SDK1: variants seen among roughly 807,000 people sequenced by gnomAD.
SDK1 encodes the protein protein sidekick-1.
SDK1 carries 157 observed loss-of-function variants against 245.5 expected under a neutral mutation model. The ratio of observed to expected loss-of-function variants is 0.64; its 90% CI spans 0.56 to 0.73. The LOEUF (loss-of-function observed/expected upper bound fraction) is 0.73, where lower values mean the gene tolerates loss of function less well. Among genes scored for constraint, SDK1 ranks in the 30% least tolerant of loss-of-function variants. The probability of loss-of-function intolerance (pLI) is 0.00; values close to 1 mark genes in which losing one functional copy is unlikely to be tolerated. For missense variants in SDK1, 3,583 were observed against 3,002.3 expected, an observed-to-expected ratio of 1.19 and a Z score of -4.52; for synonymous variants, 1,647 against 1,278.5, an observed-to-expected ratio of 1.29 and a Z score of -6.15.
rs190163382 is a variant in SDK1, at chr7:3,772,646, A to G, written c.714-48804A>G. On this transcript the variant is annotated intron_variant, in intron 4 of 44. Transcript: ENST00000404826. ...ATAATACTAGCTTTTACAATTGCTTATGTATTTACCTTTACTGAAATCTTT... is the reference window on the plus strand; with the variant it reads ...ATAATACTAGCTTTTACAATTGCTTGTGTATTTACCTTTACTGAAATCTTT... Among the ~76,000 whole-genome samples the G allele has an allele frequency of 4.6e-5, 7 of 152,326 alleles. No homozygotes were observed. The East Asian group carries it at 7.7e-4, about 17-fold the overall frequency.
rs73286344 is a variant in SDK1, at chr7:3,304,163, A to C, written c.298+2279A>C. Among the ~76,000 whole-genome samples the C allele has an allele frequency of 5.4e-3, 819 of 152,328 alleles. 7 individuals carry two copies. The highest frequency in any genetic ancestry group is 0.019 in the African/African-American group (792 of 41,560). On this transcript the variant is annotated intron_variant, in intron 1 of 44. Coordinates refer to ENST00000404826, the MANE Select transcript of SDK1 (RefSeq NM_152744.4). The stretch of plus-strand genomic sequence containing the variant: ...CGCCAGGTTCAGGTCTTCCAAATGT[A>C]ACTTTAATATGCCCTGGAGTTTCTT...
chr7:3,766,007 C>A (rs143691494), intron 4 of SDK1, among the ~76,000 whole-genome samples: 3 of 152,222 alleles, frequency 2.0e-5, no homozygotes, highest in Non-Finnish European at 4.4e-5. Context: ...AAGAATTGAT[C>A]ACTTGCTTCA....
intron 1 of SDK1, among the ~76,000 whole-genome samples, chr7:3,306,234 T>C (rs1779414266): frequency 6.6e-6 from 1 of 152,244 alleles, no homozygotes; most frequent in Middle Eastern, 3.4e-3. Context: ...ATTTGGAAAA[T>C]AGAGATGAGG....
intron 1 of SDK1, among the ~76,000 whole-genome samples, chr7:3,416,014 G>A (rs1359799296): frequency 2.0e-5 from 3 of 152,114 alleles, no homozygotes; most frequent in Admixed American, 6.6e-5. Context: ...CATATGACAC[G>A]ACATGCTAAT....
At chr7:3,788,946 G>A (rs955860962) in intron 4 of SDK1, among the ~76,000 whole-genome samples, 4 of 152,208 alleles carry the variant, frequency 2.6e-5, no homozygotes, top group Non-Finnish European at 4.4e-5. Flanking sequence ...GAATAGAACT[G>A]TTTACGGGGG....
intron 5 of SDK1, among the ~76,000 whole-genome samples, chr7:3,940,866 T>C (rs1342651144): frequency 1.3e-5 from 2 of 152,076 alleles, no homozygotes; most frequent in Non-Finnish European, 2.9e-5. Context: ...CTGGCTTCTC[T>C]GCAGGCCATC....
chr7:3,579,961 G>A (rs979359393), intron 1 of SDK1, among the ~76,000 whole-genome samples: 1 of 152,040 alleles, frequency 6.6e-6, no homozygotes. Context: ...ATACAAAATC[G>A]GTGTATGAAA....
intron 5 of SDK1, among the ~76,000 whole-genome samples, chr7:3,903,855 C>A (rs1411893874): frequency 6.6e-6 from 1 of 152,092 alleles, no homozygotes; most frequent in African/African-American, 2.4e-5. Flanking sequence ...GGAGTGAGTT[C>A]TTGCCCTATT....
chr7:3,821,670 ATAAAT>A (rs1393809460), intron 5 of SDK1, 87 bp downstream of exon 5: 5 of 1,449,550 alleles, frequency 3.4e-6, no homozygotes, highest in Non-Finnish European at 4.7e-6. Flanking sequence ...ACATTTTGCA[ATAAAT>A]TTTCTCTCTC....
chr7:3,633,112 T>G (rs1782348313), intron 2 of SDK1, among the ~76,000 whole-genome samples: 1 of 152,174 alleles, frequency 6.6e-6, no homozygotes, highest in African/African-American at 2.4e-5. Context: ...TAGGCTTTGG[T>G]CCAAGGTATG....
chr7:3,372,996 A>G (rs1330708294), intron 1 of SDK1, among the ~76,000 whole-genome samples: 1 of 152,238 alleles, frequency 6.6e-6, no homozygotes, highest in African/African-American at 2.4e-5. Context: ...TCCAGTGGTT[A>G]ATTTGAAAAG....
At chr7:3,645,610 C>A (rs932003222) in intron 4 of SDK1, among the ~76,000 whole-genome samples, 2 of 151,992 alleles carry the variant, frequency 1.3e-5, no homozygotes, top group Non-Finnish European at 1.5e-5. Context: ...AAAAAGTTTA[C>A]CTGTTTAAAA....
chr7:3,444,025 G>C (rs764592963), intron 1 of SDK1, among the ~76,000 whole-genome samples: 4 of 152,222 alleles, frequency 2.6e-5, no homozygotes, highest in African/African-American at 9.6e-5. Flanking sequence ...ATTCAAGAGA[G>C]GCGGTTGTGC....
At chr7:3,662,823 C>G (rs905673377) in intron 4 of SDK1, among the ~76,000 whole-genome samples, 8 of 152,256 alleles carry the variant, frequency 5.3e-5, no homozygotes, top group South Asian at 4.2e-4. Flanking sequence ...AGGAAGTGCT[C>G]ATTGAAGCAT....
chr7:3,933,838 T>C (rs962546159), intron 5 of SDK1, among the ~76,000 whole-genome samples: 1 of 152,228 alleles, frequency 6.6e-6, no homozygotes, highest in East Asian at 1.9e-4. Flanking sequence ...AAAAGGGGGG[T>C]GACCTGTTGG....
chr7:3,606,448 T>A (rs900812039), intron 1 of SDK1, among the ~76,000 whole-genome samples: 1 of 152,202 alleles, frequency 6.6e-6, no homozygotes. Context: ...AATTTCCCCA[T>A]TGGCTTCCAT....
At chr7:4,121,600 A>G (rs376282366) in intron 25 of SDK1, among the ~76,000 whole-genome samples, 1 of 152,164 alleles carries the variant, frequency 6.6e-6, no homozygotes, top group African/African-American at 2.4e-5. Context: ...ACTACCCAGT[A>G]TTGGGTATTT....
chr7:4,219,535 C>G (rs570753843), intron 38 of SDK1, among the ~76,000 whole-genome samples: 1 of 152,342 alleles, frequency 6.6e-6, no homozygotes, highest in African/African-American at 2.4e-5. Flanking sequence ...GACGTATTCA[C>G]TACCACGAGA....
intron 14 of SDK1, among the ~76,000 whole-genome samples, chr7:3,990,254 G>A (rs1438688161): frequency 2.6e-5 from 4 of 152,248 alleles, no homozygotes; most frequent in African/African-American, 9.6e-5. Flanking sequence ...ACCTCGGAGT[G>A]AGGCCAGAGT....
Sources: gnomAD v4.1 joint callset for allele counts (sites outside exome capture counted in the v4.1 genomes callset) on GRCh38, gnomAD v4.1.1 for gene constraint, MANE v1.5 for transcripts, NCBI Gene and HGNC (gene_info 2026-07-23, HGNC 2026-07-21) for gene names.